WSCD2: variants seen among roughly 807,000 people sequenced by gnomAD.
WSCD2 encodes the protein sialate:O-sulfotransferase 2.
In WSCD2, 28 loss-of-function variants were observed where a neutral mutation model predicts 55.7. That is an observed-to-expected ratio of 0.50 (90% CI 0.37 to 0.69). The LOEUF (loss-of-function observed/expected upper bound fraction) is 0.69. WSCD2 is among the 30% of genes least tolerant of loss of function. WSCD2 has a pLI of 0.00. For missense variants in WSCD2, 616 were observed against 762.1 expected (o/e 0.81, Z 2.26); for synonymous variants, 301 against 301.9 (o/e 1.00, Z 0.03).
At chr12:108,234,225 T>C (rs946687742) in intron 7 of WSCD2, among the ~76,000 whole-genome samples, 30 of 152,240 alleles carry the variant, frequency 2.0e-4, no homozygotes, top group Non-Finnish European at 4.1e-4. Flanking sequence ...ACGTCGTCAA[T>C]AAAAGTTGGC....
intron 1 of WSCD2, among the ~76,000 whole-genome samples, chr12:108,166,124 T>TC (rs1879573465): frequency 1.3e-5 from 2 of 152,234 alleles, no homozygotes. Context: ...ACTGATGTAT[T>TC]GAAAAGCCTC....
intron 1 of WSCD2, among the ~76,000 whole-genome samples, chr12:108,159,840 G>A (rs1592906321): frequency 6.6e-6 from 1 of 152,134 alleles, no homozygotes; most frequent in African/African-American, 2.4e-5. Context: ...CTCAGCGTTG[G>A]CTTTTCTCCT....
intron 3 of WSCD2, among the ~76,000 whole-genome samples, chr12:108,208,110 A>T (rs7973562): frequency 6.6e-6 from 1 of 152,088 alleles, no homozygotes; most frequent in South Asian, 2.1e-4. Flanking sequence ...GTTGACTGCC[A>T]GTGGGTGCTG....
chr12:108,164,139 C>CATTTTTTTTTTTTTT, intron 1 of WSCD2, among the ~76,000 whole-genome samples: 1 of 85,362 alleles, frequency 1.2e-5, no homozygotes, highest in African/African-American at 4.7e-5. Context: ...ATCTTAAATC[C>CATTTTTTTTTTTTTT]TTTTTTTTTT....
intron 1 of WSCD2, among the ~76,000 whole-genome samples, chr12:108,153,101 T>TTAAACAAA (rs1555223492): frequency 6.6e-6 from 1 of 150,644 alleles, no homozygotes; most frequent in African/African-American, 2.4e-5. Flanking sequence ...AGACTCTGTC[T>TTAAACAAA]CAAACAAACA....
intron 1 of WSCD2, among the ~76,000 whole-genome samples, chr12:108,160,469 G>C (rs909088411): frequency 1.3e-5 from 2 of 152,158 alleles, no homozygotes; most frequent in African/African-American, 4.8e-5. Flanking sequence ...TACAGTCATA[G>C]CAGAAGGCAA....
At chr12:108,191,901 C>T (rs1437489306) in intron 1 of WSCD2, among the ~76,000 whole-genome samples, 1 of 152,216 alleles carries the variant, frequency 6.6e-6, no homozygotes, top group Non-Finnish European at 1.5e-5. Flanking sequence ...TCATTTTCCA[C>T]ATCACCCATG....
intron 4 of WSCD2, among the ~76,000 whole-genome samples, chr12:108,222,098 A>G (rs1887595250): frequency 6.6e-6 from 1 of 152,194 alleles, no homozygotes; most frequent in African/African-American, 2.4e-5. Flanking sequence ...TAAAATTATC[A>G]TTCATAAACA....
At chr12:108,163,407 GT>G (rs1190163456) in intron 1 of WSCD2, among the ~76,000 whole-genome samples, 1 of 151,968 alleles carries the variant, frequency 6.6e-6, no homozygotes, top group Non-Finnish European at 1.5e-5. Context: ...GAAAGAAAAA[GT>G]CTATACCATT....
At chr12:108,235,037 G>A (rs1355744379) in intron 7 of WSCD2, among the ~76,000 whole-genome samples, 1 of 152,126 alleles carries the variant, frequency 6.6e-6, no homozygotes, top group Non-Finnish European at 1.5e-5. Context: ...CCTAACTTCA[G>A]AGAAGAAGAA....
intron 5 of WSCD2, 51 bp downstream of exon 5, chr12:108,224,911 A>G: frequency 1.3e-6 from 2 of 1,588,386 alleles, no homozygotes; most frequent in South Asian, 2.3e-5. Context: ...ACCATGCAGC[A>G]GAGCTGCAGG....
chr12:108,206,257 C>A (rs933815017), intron 2 of WSCD2, 32 bp from the exon 3 acceptor site: 1 of 1,594,718 alleles, frequency 6.3e-7, no homozygotes, highest in Non-Finnish European at 8.6e-7. Flanking sequence ...GCTTTGTCCC[C>A]AGCCACCTTT....
At position 108,175,692 on chromosome 12, in the gene WSCD2, A is replaced by C. The variant is rs114027543; in HGVS notation, c.-551-19590A>C. Among the ~76,000 whole-genome samples, 1,307 of 152,322 alleles carry C rather than the reference A, an allele frequency of 8.6e-3. 26 individuals are homozygous for C. Among genetic ancestry groups the C allele is most frequent in the African/African-American group, 0.03 (1,243 of 41,568 alleles). On this transcript the variant is annotated intron_variant, in intron 1 of 8. Transcript: ENST00000547525. ...GGAGCCATCCCTGCCCCAGTGAGCC[A>C]TCCTCTGCCTCCAGGTGAACCTTTC... is the stretch of plus-strand genomic sequence containing the variant.
At chr12:108,170,890 T>C (rs1439021657) in intron 1 of WSCD2, among the ~76,000 whole-genome samples, 5 of 152,174 alleles carry the variant, frequency 3.3e-5, no homozygotes, top group African/African-American at 9.7e-5. Context: ...GAAGCTGTTT[T>C]AGGCATCTCT....
At chr12:108,134,733 C>T (rs1048026963) in intron 1 of WSCD2, among the ~76,000 whole-genome samples, 13 of 152,282 alleles carry the variant, frequency 8.5e-5, no homozygotes, top group African/African-American at 2.6e-4. Context: ...GTGTCCCATT[C>T]GTACCTTGCT....
intron 8 of WSCD2, 22 bp from the exon 9 acceptor site, chr12:108,247,969 G>A: frequency 6.2e-7 from 1 of 1,601,182 alleles, no homozygotes; most frequent in South Asian, 1.1e-5. Flanking sequence ...CTCTGACTGT[G>A]TCCTTTCTCC....
At chr12:108,168,285 A>G (rs1420843310) in intron 1 of WSCD2, among the ~76,000 whole-genome samples, 1 of 152,214 alleles carries the variant, frequency 6.6e-6, no homozygotes, top group Non-Finnish European at 1.5e-5. Flanking sequence ...GGATTGGAGC[A>G]GAAGTCCTGG....
At chr12:108,165,432 A>G (rs1879508763) in intron 1 of WSCD2, among the ~76,000 whole-genome samples, 1 of 152,124 alleles carries the variant, frequency 6.6e-6, no homozygotes, top group South Asian at 2.1e-4. Flanking sequence ...GGGTCTTGCT[A>G]TGTTTCCCAG....
In WSCD2 at chr12:108,248,385, C is replaced by T. The variant is rs777127283; in HGVS notation, c.*42C>T. 78 of 1,578,780 alleles carry T rather than the reference C, an allele frequency of 4.9e-5. No individual in the cohort carries two copies. The Admixed American group carries it at 1.1e-3, about 22-fold the overall frequency. ...GAGGGTAGACTGGGAGTCCTGACCA[C>T]GCAGGCCCTGGGGACTCAAGACCCC... On this transcript the variant is annotated 3_prime_UTR_variant, in exon 9 of 9. Coordinates refer to ENST00000547525, the MANE Select transcript of WSCD2 (RefSeq NM_014653.4). The surrounding 1 kb of genome is among the most constrained non-coding windows in gnomAD (Gnocchi z 4.3).
Sources: allele counts gnomAD v4.1 joint callset (sites outside exome capture counted in the v4.1 genomes callset), GRCh38; gene constraint gnomAD v4.1.1; non-coding constraint Gnocchi (gnomAD v3.1); transcripts MANE v1.5; gene names NCBI Gene and HGNC (gene_info 2026-07-23, HGNC 2026-07-21).